The following IKBKB-DT variants were observed in gnomAD, a reference collection of about 807,000 sequenced individuals.
The protein encoded by IKBKB-DT is IKBKB antisense RNA.
At chr8:42,237,637 C>T (rs1806941814) in intron 3 of IKBKB-DT, among the ~76,000 whole-genome samples, 1 of 152,064 alleles carries the variant, frequency 6.6e-6, no homozygotes, top group African/African-American at 2.4e-5. Flanking sequence ...CCCACCCCTA[C>T]CAGTAAAGGC....
chr8:42,254,630 G>C (rs554200623), intron 3 of IKBKB-DT, among the ~76,000 whole-genome samples: 17 of 150,788 alleles, frequency 1.1e-4, no homozygotes, highest in African/African-American at 4.2e-4. Context: ...AACTGACTGG[G>C]AAGTGAGGAG....
intron 1 of IKBKB-DT, among the ~76,000 whole-genome samples, chr8:42,267,370 C>A (rs887157110): frequency 2.0e-5 from 3 of 152,148 alleles, no homozygotes; most frequent in African/African-American, 7.2e-5. Context: ...GATCCAAGAA[C>A]CCTCTCTTGG....
exon 2 of IKBKB-DT, chr8:42,266,380 A>C (rs1807369881): frequency 6.6e-6 from 1 of 152,270 alleles, no homozygotes; most frequent in African/African-American, 2.4e-5. Flanking sequence ...GGAGGAGCTC[A>C]GTGCTGCTTT....
rs552484251 is a variant in IKBKB-DT, at chr8:42,255,225, G to A, written n.1529+8104C>T. ...CACTGTACAACCTTCCAAGTGTGAC[G>A]TGACAGCCTTGTTTGTGATCTTTTC... On this transcript the variant is annotated intron_variant and non_coding_transcript_variant, in intron 3 of 3. Coordinates refer to ENST00000518213, the Ensembl canonical transcript of IKBKB-DT. The A allele has an allele frequency of 2.6e-5, 4 of 152,344 alleles. No individual in the cohort carries two copies. The South Asian group carries it at 8.3e-4, about 32-fold the overall frequency. 9.4% of individuals were successfully genotyped at this position (152,344 alleles called of 1,614,324 possible).
At chr8:42,263,634 C>T (rs546649717) in intron 2 of IKBKB-DT, among the ~76,000 whole-genome samples, 18 of 152,140 alleles carry the variant, frequency 1.2e-4, no homozygotes, top group East Asian at 1.2e-3. Flanking sequence ...AAAACAAGAA[C>T]GGTGTTGGGG....
chr8:42,268,128 A>G (rs1807399740), intron 1 of IKBKB-DT, among the ~76,000 whole-genome samples: 1 of 142,868 alleles, frequency 7.0e-6, no homozygotes, highest in Non-Finnish European at 1.5e-5. Flanking sequence ...GGTGCTCAAT[A>G]ATTTTTTTTT....
chr8:42,248,863 C>G (rs1377778294), intron 3 of IKBKB-DT, among the ~76,000 whole-genome samples: 1 of 143,392 alleles, frequency 7.0e-6, no homozygotes, highest in Non-Finnish European at 1.5e-5. Context: ...GCAACAGAGG[C>G]TCTACCAAAA....
chr8:42,247,483 C>T (rs147690558), intron 3 of IKBKB-DT, among the ~76,000 whole-genome samples: 1 of 152,176 alleles, frequency 6.6e-6, no homozygotes, highest in African/African-American at 2.4e-5. Context: ...AGACTTTGGA[C>T]TGAAACTTTT....
chr8:42,260,997 C>G (rs758869636), intron 3 of IKBKB-DT, among the ~76,000 whole-genome samples: 2 of 152,110 alleles, frequency 1.3e-5, no homozygotes, highest in African/African-American at 2.4e-5. Context: ...ACCCCAAGAG[C>G]TGGCAGTGGT....
intron 3 of IKBKB-DT, among the ~76,000 whole-genome samples, chr8:42,245,004 C>A (rs1310326072): frequency 6.6e-6 from 1 of 151,926 alleles, no homozygotes; most frequent in Non-Finnish European, 1.5e-5. Flanking sequence ...AATCCCAGCA[C>A]TTTGGGAGGC....
At chr8:42,256,669 C>T (rs1473929657) in intron 3 of IKBKB-DT, among the ~76,000 whole-genome samples, 5 of 152,028 alleles carry the variant, frequency 3.3e-5, no homozygotes. Flanking sequence ...CTTTGGTTAG[C>T]AATTTCATGA....
At chr8:42,268,160 G>C (rs889938053) in intron 1 of IKBKB-DT, among the ~76,000 whole-genome samples, 2 of 141,816 alleles carry the variant, frequency 1.4e-5, no homozygotes, top group African/African-American at 5.4e-5. Context: ...TTTAGATGGA[G>C]TTTTGCTCTT....
intron 3 of IKBKB-DT, among the ~76,000 whole-genome samples, chr8:42,235,205 C>CTTTTTTTTTTTTTTTTT (rs746414963): frequency 1.8e-4 from 18 of 99,396 alleles, no homozygotes; most frequent in African/African-American, 6.4e-4. Context: ...CTTTTATTTT[C>CTTTTTTTTTTTTTTTTT]TTTTTTTTTT....
At chr8:42,269,972 C>A (rs181439700) in intron 1 of IKBKB-DT, among the ~76,000 whole-genome samples, 53 of 152,150 alleles carry the variant, frequency 3.5e-4, no homozygotes, top group Non-Finnish European at 6.0e-4. Context: ...TGCAATTCAA[C>A]CTAATATTGC....
chr8:42,268,371 G>A (rs1220606400), intron 1 of IKBKB-DT, among the ~76,000 whole-genome samples: 2 of 151,588 alleles, frequency 1.3e-5, no homozygotes, highest in African/African-American at 4.8e-5. Flanking sequence ...TCCTGACCTC[G>A]TGATCTGCCC....
chr8:42,236,039 C>A (rs1005666134), intron 3 of IKBKB-DT, among the ~76,000 whole-genome samples: 1 of 151,848 alleles, frequency 6.6e-6, no homozygotes, highest in African/African-American at 2.4e-5. Context: ...AAAACAACAA[C>A]AACAAAAAAC....
intron 3 of IKBKB-DT, among the ~76,000 whole-genome samples, chr8:42,238,240 C>T (rs546855984): frequency 6.6e-6 from 1 of 152,072 alleles, no homozygotes; most frequent in African/African-American, 2.4e-5. Context: ...GAGTGGGGAG[C>T]GTGTGAAATC....
chr8:42,264,622 G>A (rs1238999053), intron 2 of IKBKB-DT, among the ~76,000 whole-genome samples: 2 of 150,310 alleles, frequency 1.3e-5, no homozygotes, highest in African/African-American at 4.9e-5. Context: ...GCAGTAGCAC[G>A]ATCTCAGCTC....
At chr8:42,246,697 C>T (rs993900455) in intron 3 of IKBKB-DT, among the ~76,000 whole-genome samples, 2 of 152,184 alleles carry the variant, frequency 1.3e-5, no homozygotes, top group Non-Finnish European at 2.9e-5. Context: ...GCTTCTTAAG[C>T]AGCTTTTCTA....
Sources: allele counts gnomAD v4.1 joint callset (sites outside exome capture counted in the v4.1 genomes callset), GRCh38; gene constraint gnomAD v4.1.1; transcripts MANE v1.5; gene names NCBI Gene and HGNC (gene_info 2026-07-23, HGNC 2026-07-21).